Variants in SKOR2 observed in about 807,000 individuals in gnomAD.
The protein encoded by SKOR2 is SKI family transcriptional corepressor 2.
In SKOR2, 47 loss-of-function variants were observed where a neutral mutation model predicts 69.1. The observed-to-expected ratio is 0.68, with a 90% CI of 0.54 to 0.87. The LOEUF (loss-of-function observed/expected upper bound fraction) is 0.87, where lower values mean the gene tolerates loss of function less well. Among genes scored for constraint, SKOR2 ranks in the 40% least tolerant of loss-of-function variants. SKOR2 has a pLI of 0.00. For missense variants in SKOR2, 1,404 were observed against 1,472.2 expected, an observed-to-expected ratio of 0.95 and a Z score of 0.76; for synonymous variants, 717 against 672.6, an observed-to-expected ratio of 1.07 and a Z score of -1.02.
At chr18:47,222,761 G>C (rs2064165856) in intron 6 of SKOR2, among the ~76,000 whole-genome samples, 1 of 152,226 alleles carries the variant, frequency 6.6e-6, no homozygotes, top group Non-Finnish European at 1.5e-5. Flanking sequence ...GACCAGGCTG[G>C]AGCACTTCCC....
chr18:47,248,989 C>A lies in SKOR2; in HGVS notation c.195G>T (p.Ala65=), dbSNP rs768986941. The A allele has an allele frequency of 2.6e-6, 4 of 1,562,958 alleles. No homozygotes were observed. Among genetic ancestry groups the A allele is most frequent in the Non-Finnish European group, 3.4e-6 (4 of 1,161,370 alleles). ...VIDGQERLCL[A]QISNTLLKNF... Reference sequence around the variant, plus strand: ...TCTTGAGCAGAGTGTTGGAGATCTGCGCCAGGCACAGGCGCTCTTGCCCGT... The same window carrying A: ...TCTTGAGCAGAGTGTTGGAGATCTGAGCCAGGCACAGGCGCTCTTGCCCGT... Residue 65 remains alanine (A), a synonymous_variant, in exon 2 of 9, where the codon GCG becomes GCT. Transcript: ENST00000425639. The surrounding 1 kb of genome is among the most constrained non-coding windows in gnomAD (Gnocchi z 6.4).
At chr18:47,250,734 G>A (rs2064308638) in intron 1 of SKOR2, among the ~76,000 whole-genome samples, 2 of 152,150 alleles carry the variant, frequency 1.3e-5, no homozygotes, top group South Asian at 2.1e-4. Flanking sequence ...AAACCTCGAC[G>A]CGATCAAAGG....
rs748697868 is a variant in SKOR2 at position 47,230,552 on chromosome 18, GTTC to G, written c.2821_2823del (p.Glu941del). On this transcript the variant is annotated inframe_deletion and splice_region_variant, in exon 6 of 9. Coordinates refer to ENST00000425639, the MANE Select transcript of SKOR2 (RefSeq NM_001278063.4). ...ATTTGTTCAAATAAAACCTTCTGAA[GTTC>G]TTCTAATAAAAAAAAGAAGAGTCAT... 2 of 1,414,826 alleles carry G rather than the reference GTTC, an allele frequency of 1.4e-6. No homozygotes were observed. Among genetic ancestry groups the G allele is most frequent in the South Asian group, 1.7e-5 (1 of 60,280 alleles). 87.6% of individuals were successfully genotyped at this position (1,414,826 alleles called of 1,614,324 possible).
chr18:47,237,243 T>C (rs1188841855), intron 4 of SKOR2, among the ~76,000 whole-genome samples: 1 of 152,226 alleles, frequency 6.6e-6, no homozygotes, highest in African/African-American at 2.4e-5. Context: ...CTGGGGAAAT[T>C]TGTGATGCTC....
intron 6 of SKOR2, among the ~76,000 whole-genome samples, chr18:47,229,093 G>C (rs978128694): frequency 2.0e-5 from 3 of 152,166 alleles, no homozygotes; most frequent in Non-Finnish European, 4.4e-5. Context: ...CCAGGAACCT[G>C]GTGCTATTCA....
At chr18:47,221,557 G>A (rs1178947891) in intron 6 of SKOR2, among the ~76,000 whole-genome samples, 1 of 152,184 alleles carries the variant, frequency 6.6e-6, no homozygotes, top group Non-Finnish European at 1.5e-5. Context: ...CTTTGCCCCT[G>A]CTGTGGTCTT....
chr18:47,244,078 G>C (rs2064260397), intron 4 of SKOR2, among the ~76,000 whole-genome samples: 1 of 152,144 alleles, frequency 6.6e-6, no homozygotes, highest in Non-Finnish European at 1.5e-5. Flanking sequence ...TTCCTTATGA[G>C]AAAATAAAAA....
At position 47,206,313 on chromosome 18, in the gene SKOR2, C is replaced by A. The variant is rs186782269; in HGVS notation, c.*583G>T. The stretch of plus-strand genomic sequence containing the variant: ...ACTGTAAAATATTTCCAAAGGAATA[C>A]AATCCTCATTCATACAGCAGGCAAA... On this transcript the variant is annotated 3_prime_UTR_variant, in exon 9 of 9. Transcript: ENST00000425639. 1.7e-4 allele frequency: 26 copies of A among 152,146 alleles called. No individual in the cohort carries two copies. Among genetic ancestry groups the A allele is most frequent in the Admixed American group, 1.3e-3 (20 of 15,266 alleles). The allele number at this position is 152,146 out of a possible 1,614,324, so 9.4% of individuals were successfully genotyped here.
At chr18:47,223,440 A>T (rs370709554) in intron 6 of SKOR2, among the ~76,000 whole-genome samples, 215 of 152,364 alleles carry the variant, frequency 1.4e-3, no homozygotes, top group Non-Finnish European at 2.6e-3. Context: ...ACTTGAAATT[A>T]TATGTTAAGA....
intron 7 of SKOR2, among the ~76,000 whole-genome samples, chr18:47,215,556 C>T (rs149473623): frequency 1.4e-3 from 210 of 152,108 alleles, no homozygotes; most frequent in Admixed American, 1.6e-3. Context: ...TTCCCTGTGA[C>T]GATGCACTGC....
chr18:47,247,294 C>T lies in SKOR2; in HGVS notation c.1890G>A (p.Lys630=), dbSNP rs760937599. ...GCTTGGCCAGGCTCTCCGCGTCGTC[C>T]TTGCCGCCCACTGGCCGGAAGGCGC... ...HSSAFRPVGG[K]DDAESLAKLH... The change falls in exon 2 of 9, where the codon AAG becomes AAA. Residue 630 remains lysine, a synonymous_variant. Coordinates refer to ENST00000425639, the MANE Select transcript of SKOR2 (RefSeq NM_001278063.4). The surrounding 1 kb of genome is among the most constrained non-coding windows in gnomAD (Gnocchi z 6.6). The T allele has an allele frequency of 2.6e-5, 38 of 1,482,290 alleles. No homozygotes were observed. The South Asian group carries it at 4.6e-4, about 18-fold the overall frequency. The allele number at this position is 1,482,290 out of a possible 1,614,324, so 91.8% of individuals were successfully genotyped here.
intron 4 of SKOR2, among the ~76,000 whole-genome samples, chr18:47,244,541 G>A (rs2064262749): frequency 6.6e-6 from 1 of 152,048 alleles, no homozygotes; most frequent in Admixed American, 6.5e-5. Flanking sequence ...TAATATAAAT[G>A]TTGGCATAGA....
intron 7 of SKOR2, among the ~76,000 whole-genome samples, chr18:47,215,616 A>G (rs2064141641): frequency 6.6e-6 from 1 of 152,228 alleles, no homozygotes; most frequent in Non-Finnish European, 1.5e-5. Context: ...GTCCACCGTG[A>G]ACAAAACATT....
At chr18:47,230,394 T>C (rs1339730827) in intron 6 of SKOR2, 65 bp downstream of exon 6, 1 of 979,472 alleles carries the variant, frequency 1.0e-6, no homozygotes, top group Non-Finnish European at 1.4e-6. Flanking sequence ...AATCACATTC[T>C]TAAGCCTAAT....
At chr18:47,226,558 C>T (rs1192687016) in intron 6 of SKOR2, among the ~76,000 whole-genome samples, 1 of 152,138 alleles carries the variant, frequency 6.6e-6, no homozygotes, top group Non-Finnish European at 1.5e-5. Context: ...TTGTGTCCTA[C>T]CCGGTTCGTT....
In SKOR2 at chr18:47,246,828, G is replaced by T. The variant is rs2064277070; in HGVS notation, c.2356C>A (p.Arg786=). 1.4e-6 allele frequency: 2 copies of T among 1,460,314 alleles called. No individual in the cohort carries two copies. The highest frequency in any genetic ancestry group is 1.8e-6 in the Non-Finnish European group (2 of 1,112,876). The allele number at this position is 1,460,314 out of a possible 1,614,324, so 90.5% of individuals were successfully genotyped here. Reference sequence around the variant, plus strand: ...GACGGCCCTCGGCCCTGGAGGAACCGGCCGCCCCCGACTAAGGGGTCGCCG... The same window carrying T: ...GACGGCCCTCGGCCCTGGAGGAACCTGCCGCCCCCGACTAAGGGGTCGCCG... The part of the protein sequence containing the change: ...LLGDPLVGGG[R]FLQGRGPSEK... Residue 786 remains arginine, a synonymous_variant, in exon 2 of 9, where the codon CGG becomes AGG. Transcript: ENST00000425639.
chr18:47,211,830 AAAG>A (rs1387852683), intron 8 of SKOR2, among the ~76,000 whole-genome samples: 1 of 152,182 alleles, frequency 6.6e-6, no homozygotes, highest in Non-Finnish European at 1.5e-5. Flanking sequence ...CTTAAAACGG[AAAG>A]AAGATCACTT....
chr18:47,246,178 AG>A (rs1452963389), intron 2 of SKOR2, among the ~76,000 whole-genome samples: 2 of 152,136 alleles, frequency 1.3e-5, no homozygotes, highest in African/African-American at 4.8e-5. Context: ...AGAGAAGAAA[AG>A]GGGTAGGGTG....
rs1357525174 is a variant in SKOR2 at position 47,231,083 on chromosome 18, G to T, written c.2753-83C>A. On this transcript the variant is annotated intron_variant, in intron 4 of 8. Coordinates refer to ENST00000425639, the MANE Select transcript of SKOR2 (RefSeq NM_001278063.4). ...TCCTTTACATTTTCTTTTAATATCT[G>T]CAAAACAGTTTATTTAATATAACCT... 3 of 1,534,802 alleles carry T rather than the reference G, an allele frequency of 2.0e-6. No individual in the cohort carries two copies. In the African/African-American group the frequency reaches 4.1e-5, roughly 21 times the overall value.
Sources: gnomAD v4.1 joint callset for allele counts (sites outside exome capture counted in the v4.1 genomes callset) on GRCh38, gnomAD v4.1.1 for gene constraint, Gnocchi (gnomAD v3.1) non-coding constraint, MANE v1.5 for transcripts, NCBI Gene and HGNC (gene_info 2026-07-23, HGNC 2026-07-21) for gene names.